The following KCNN3 variants were observed in gnomAD, a reference collection of about 807,000 sequenced individuals.
KCNN3 encodes small conductance calcium-activated potassium channel protein 3.
KCNN3 carries 16 observed loss-of-function variants against 62.9 expected under a neutral mutation model. The observed-to-expected ratio is 0.25, with a 90% CI of 0.17 to 0.39. The LOEUF (loss-of-function observed/expected upper bound fraction) is 0.39, where lower values mean the gene tolerates loss of function less well. KCNN3 is among the 10% of genes least tolerant of loss of function. KCNN3 has a pLI of 1.00. For missense variants in KCNN3, 599 were observed against 949.4 expected, an observed-to-expected ratio of 0.63 and a Z score of 4.85; for synonymous variants, 370 against 389.2, an observed-to-expected ratio of 0.95 and a Z score of 0.58.
intron 1 of KCNN3, among the ~76,000 whole-genome samples, chr1:154,842,388 C>T (rs996296821): frequency 6.6e-6 from 1 of 152,164 alleles, no homozygotes; most frequent in Non-Finnish European, 1.5e-5. Context: ...ATTGAACATA[C>T]AGGCCGAGGA....
At chr1:154,854,740 C>G (rs1652448370) in intron 1 of KCNN3, among the ~76,000 whole-genome samples, 1 of 152,184 alleles carries the variant, frequency 6.6e-6, no homozygotes, top group African/African-American at 2.4e-5. Flanking sequence ...TGTGTCAGCC[C>G]AGGCTAACGT....
At chr1:154,761,023 A>T (rs1272839074) in intron 3 of KCNN3, among the ~76,000 whole-genome samples, 1 of 152,274 alleles carries the variant, frequency 6.6e-6, no homozygotes, top group Non-Finnish European at 1.5e-5. Flanking sequence ...CCCCGCGTTG[A>T]TGTAAAACAT....
chr1:154,801,136 T>TG (rs57083026), intron 2 of KCNN3, among the ~76,000 whole-genome samples: 1 of 151,632 alleles, frequency 6.6e-6, no homozygotes, highest in African/African-American at 2.4e-5. Flanking sequence ...GGAAAGGAGG[T>TG]GGGGGGGAGA....
At chr1:154,764,569 T>G (rs1392398606) in intron 3 of KCNN3, among the ~76,000 whole-genome samples, 2 of 152,238 alleles carry the variant, frequency 1.3e-5, no homozygotes, top group East Asian at 3.8e-4. Flanking sequence ...TTTCTCTGAT[T>G]GCTAAAACTG....
At chr1:154,743,124 T>C (rs12118608) in intron 3 of KCNN3, among the ~76,000 whole-genome samples, 131,468 of 150,522 alleles carry the variant, frequency 0.87, 57,688 homozygotes, top group East Asian at 1. Context: ...CCTCTCACCT[T>C]GTCCAGCCCC....
chr1:154,722,095 G>A (rs1345230069), intron 5 of KCNN3, among the ~76,000 whole-genome samples: 2 of 152,068 alleles, frequency 1.3e-5, no homozygotes, highest in African/African-American at 2.4e-5. Context: ...AATAAAAATA[G>A]TGCTGGCTCT....
chr1:154,795,096 T>G (rs1165238159), intron 2 of KCNN3, among the ~76,000 whole-genome samples: 6 of 152,146 alleles, frequency 3.9e-5, no homozygotes, highest in African/African-American at 2.4e-5. Flanking sequence ...ACACGGAAAA[T>G]TCTCTGAAAC....
chr1:154,823,931 A>G (rs372503995), intron 1 of KCNN3, among the ~76,000 whole-genome samples: 3 of 152,274 alleles, frequency 2.0e-5, no homozygotes, highest in East Asian at 1.9e-4. Flanking sequence ...GCTGAGATGG[A>G]ATGAAAGTGC....
At position 154,810,514 on chromosome 1, in the gene KCNN3, C is replaced by A. The variant is rs563922718; in HGVS notation, c.1029+11575G>T. Among the ~76,000 whole-genome samples the A allele has an allele frequency of 1.7e-4, 26 of 152,298 alleles. 1 individual carries two copies. In the South Asian group the frequency reaches 5.2e-3, roughly 30 times the overall value. On this transcript the variant is annotated intron_variant, in intron 2 of 7. Coordinates refer to ENST00000271915, the MANE Select transcript of KCNN3 (RefSeq NM_002249.6). The stretch of plus-strand genomic sequence containing the variant: ...GCGGGTCCCAGTTCTGATGGCTGGG[C>A]AGGTTACCCTGAGATGGCTGCCCTT...
At position 154,862,511 on chromosome 1, in the gene KCNN3, G is replaced by T. The variant is rs575327738; in HGVS notation, c.933+6521C>A. On this transcript the variant is annotated intron_variant, in intron 1 of 7. Coordinates refer to ENST00000271915, the MANE Select transcript of KCNN3 (RefSeq NM_002249.6). The surrounding 1 kb of genome is among the most constrained non-coding windows in gnomAD (Gnocchi z 4.1). ...GGGGTCCTGCTGGCCCTCCAGGGGT[G>T]GAAGGTGGGGGTGCTAGGGGCTGTG... 1.7e-4 allele frequency among the ~76,000 whole-genome samples: 26 copies of T among 152,272 alleles called. No homozygotes were observed. Among genetic ancestry groups the T allele is most frequent in the Admixed American group, 7.8e-4 (12 of 15,304 alleles).
intron 3 of KCNN3, among the ~76,000 whole-genome samples, chr1:154,766,192 A>C (rs950381047): frequency 4.0e-5 from 6 of 151,570 alleles, no homozygotes; most frequent in Non-Finnish European, 7.4e-5. Flanking sequence ...GCTAGAGGGC[A>C]GGGTTCCTGG....
rs71628635 is a variant in KCNN3 at position 154,862,070 on chromosome 1, A to C, written c.933+6962T>G. Among the ~76,000 whole-genome samples, 7,260 of 152,272 alleles carry C rather than the reference A, an allele frequency of 0.048. 262 individuals are homozygous for C. The highest frequency in any genetic ancestry group is 0.072 in the Non-Finnish European group (4,905 of 68,008). On this transcript the variant is annotated intron_variant, in intron 1 of 7. Coordinates refer to ENST00000271915, the MANE Select transcript of KCNN3 (RefSeq NM_002249.6). The surrounding 1 kb of genome is among the most constrained non-coding windows in gnomAD (Gnocchi z 4.1). ...CAAGAATGAAAAAGAAACTTCTAGAACCAGGAATGGAGAAGCCCTTCGAGG... is the reference window on the plus strand; with the variant it reads ...CAAGAATGAAAAAGAAACTTCTAGACCCAGGAATGGAGAAGCCCTTCGAGG...
intron 3 of KCNN3, among the ~76,000 whole-genome samples, chr1:154,770,086 G>C (rs1169192291): frequency 6.6e-6 from 1 of 152,272 alleles, no homozygotes; most frequent in African/African-American, 2.4e-5. Context: ...TGGGGGAAGA[G>C]TGTCTGCTTA....
intron 2 of KCNN3, among the ~76,000 whole-genome samples, chr1:154,781,321 C>T (rs1201275066): frequency 6.6e-6 from 1 of 152,238 alleles, no homozygotes; most frequent in Non-Finnish European, 1.5e-5. Context: ...AGCATCCCAC[C>T]TCTGGCCATC....
intron 5 of KCNN3, among the ~76,000 whole-genome samples, chr1:154,720,928 C>T (rs577048304): frequency 6.6e-6 from 1 of 152,278 alleles, no homozygotes; most frequent in East Asian, 1.9e-4. Flanking sequence ...GTGCTCAGAC[C>T]CTCGTGGGGT....
intron 3 of KCNN3, among the ~76,000 whole-genome samples, chr1:154,769,427 G>T (rs1648450364): frequency 6.6e-6 from 1 of 152,174 alleles, no homozygotes. Context: ...ACCCATGTCT[G>T]CAGAGAGAGA....
At chr1:154,826,091 AAAACC>A (rs1239776309) in intron 1 of KCNN3, among the ~76,000 whole-genome samples, 25 of 146,084 alleles carry the variant, frequency 1.7e-4, no homozygotes, top group African/African-American at 6.6e-4. Flanking sequence ...AAAAACAAAA[AAAACC>A]AAAAAACACT....
At chr1:154,853,893 G>A (rs575801730) in intron 1 of KCNN3, among the ~76,000 whole-genome samples, 19 of 151,962 alleles carry the variant, frequency 1.3e-4, no homozygotes, top group African/African-American at 4.1e-4. Context: ...GCAGTGAGCC[G>A]AGATCACGCC....
chr1:154,863,746 G>A (rs990420026), intron 1 of KCNN3, among the ~76,000 whole-genome samples: 14 of 152,156 alleles, frequency 9.2e-5, no homozygotes, highest in East Asian at 3.9e-4. Flanking sequence ...GGCATCAGCC[G>A]CCTTTCTACT....
Sources: gnomAD v4.1 joint callset for allele counts (sites outside exome capture counted in the v4.1 genomes callset) on GRCh38, gnomAD v4.1.1 for gene constraint, Gnocchi (gnomAD v3.1) non-coding constraint, MANE v1.5 for transcripts, NCBI Gene and HGNC (gene_info 2026-07-23, HGNC 2026-07-21) for gene names.